SLC7A8: variants seen among roughly 807,000 people sequenced by gnomAD.
SLC7A8 encodes the protein solute carrier family 7 member 8.
In SLC7A8, 30 loss-of-function variants were observed where a neutral mutation model predicts 51.2. That is an observed-to-expected ratio of 0.59 (90% confidence interval 0.44 to 0.80). SLC7A8 has a LOEUF of 0.80. SLC7A8 is among the 30% of genes least tolerant of loss of function. The probability of loss-of-function intolerance (pLI) is 0.00; values close to 1 mark genes in which losing one functional copy is unlikely to be tolerated. For synonymous variants in SLC7A8, 257 were observed against 275.8 expected (o/e 0.93, Z 0.67); for missense variants, 612 against 674.4 (o/e 0.91, Z 1.03).
In SLC7A8 at chr14:23,174,453, G is replaced by C. The variant is rs533128668; in HGVS notation, c.152-7913C>G. 2.6e-5 allele frequency among the ~76,000 whole-genome samples: 4 copies of C among 152,364 alleles called. No individual in the cohort carries two copies. In the East Asian group the frequency reaches 5.8e-4, roughly 22 times the overall value. ...AAGTGATGTCACTGCTAATGCTGAGGATATTTAAAGCAGGGAGCAAACCAA... is the reference window on the plus strand; with the variant it reads ...AAGTGATGTCACTGCTAATGCTGAGCATATTTAAAGCAGGGAGCAAACCAA... On this transcript the variant is annotated intron_variant, in intron 1 of 10. Coordinates refer to ENST00000316902, the MANE Select transcript of SLC7A8 (RefSeq NM_012244.4).
intron 3 of SLC7A8, among the ~76,000 whole-genome samples, chr14:23,148,443 G>C (rs969540719): frequency 6.6e-6 from 1 of 152,118 alleles, no homozygotes; most frequent in African/African-American, 2.4e-5. Flanking sequence ...GGCCAGGCTG[G>C]TCTCGAATTC....
At chr14:23,136,256 C>T (rs911829271) in intron 7 of SLC7A8, among the ~76,000 whole-genome samples, 12 of 152,200 alleles carry the variant, frequency 7.9e-5, no homozygotes, top group Non-Finnish European at 1.2e-4. Flanking sequence ...ATACACATCC[C>T]TGTCCCCTCT....
chr14:23,137,257 G>T (rs75572658), intron 7 of SLC7A8, among the ~76,000 whole-genome samples: 2 of 152,180 alleles, frequency 1.3e-5, no homozygotes, highest in African/African-American at 4.8e-5. Context: ...GTGCTCTGGG[G>T]TGGGGGTCAC....
intron 3 of SLC7A8, among the ~76,000 whole-genome samples, chr14:23,155,631 A>G (rs1467681628): frequency 2.0e-5 from 3 of 151,462 alleles, no homozygotes; most frequent in African/African-American, 7.3e-5. Context: ...CACCCTGGGG[A>G]ACCCTATTTT....
At chr14:23,146,615 C>G (rs551588534) in intron 3 of SLC7A8, 1 of 152,242 alleles carries the variant, frequency 6.6e-6, no homozygotes, top group Non-Finnish European at 1.5e-5. Context: ...TAATATTTAA[C>G]CTTTCACCTT....
intron 7 of SLC7A8, among the ~76,000 whole-genome samples, chr14:23,135,156 C>T (rs919614644): frequency 3.3e-5 from 5 of 151,934 alleles, no homozygotes; most frequent in African/African-American, 4.8e-5. Flanking sequence ...GTCACGATCT[C>T]GGCTCACTGC....
At chr14:23,182,664 TA>T in intron 1 of SLC7A8, 99 bp downstream of exon 1, 1 of 1,341,824 alleles carries the variant, frequency 7.5e-7, no homozygotes, top group Non-Finnish European at 1.0e-6. Context: ...AATCCTTTTC[TA>T]AGGAATAGGA....
At chr14:23,171,317 C>A (rs1054078889) in intron 1 of SLC7A8, among the ~76,000 whole-genome samples, 6 of 152,258 alleles carry the variant, frequency 3.9e-5, no homozygotes, top group Admixed American at 1.3e-4. Context: ...CCAAGCAAAT[C>A]ATTTCATTAA....
At chr14:23,140,254 T>C (rs1341863816) in intron 5 of SLC7A8, among the ~76,000 whole-genome samples, 7 of 152,154 alleles carry the variant, frequency 4.6e-5, no homozygotes, top group Admixed American at 2.6e-4. Context: ...TCTAATCTGC[T>C]CTGGGAAAGT....
At chr14:23,144,341 A>AATTTTTTTTTTTTTTT (rs375223021) in intron 3 of SLC7A8, among the ~76,000 whole-genome samples, 2 of 114,356 alleles carry the variant, frequency 1.7e-5, no homozygotes, top group Non-Finnish European at 3.7e-5. Flanking sequence ...TTTAAACACA[A>AATTTTTTTTTTTTTTT]TTTTTTTTTT....
intron 1 of SLC7A8, among the ~76,000 whole-genome samples, chr14:23,178,980 G>T (rs1877046150): frequency 6.6e-6 from 1 of 151,554 alleles, no homozygotes; most frequent in South Asian, 2.1e-4. Flanking sequence ...AAGGAGATGG[G>T]ACTACAGGTA....
chr14:23,183,631 G>A lies in SLC7A8; in HGVS notation c.-717C>T, dbSNP rs1296146220. 1 of 152,018 alleles carries A rather than the reference G, an allele frequency of 6.6e-6. No individual in the cohort carries two copies. Among genetic ancestry groups the A allele is most frequent in the Non-Finnish European group, 1.5e-5 (1 of 68,076 alleles). The allele number at this position is 152,018 out of a possible 1,614,324, so 9.4% of individuals were successfully genotyped here. A position where few individuals can be genotyped will look rare whatever the true frequency, so the allele number is the denominator to read the frequency against. On this transcript the variant is annotated 5_prime_UTR_variant, in exon 1 of 11. Coordinates refer to ENST00000316902, the MANE Select transcript of SLC7A8 (RefSeq NM_012244.4). ...ACTGCACAGCCGGCCCCATCCCTCT[G>A]GTTTCGGGAGAGTGGCTTCTCCACA...
chr14:23,132,234 C>T (rs561555286), intron 7 of SLC7A8, among the ~76,000 whole-genome samples: 1 of 152,098 alleles, frequency 6.6e-6, no homozygotes, highest in South Asian at 2.1e-4. Context: ...GAACTGCTGA[C>T]CTCGTGATCC....
chr14:23,132,784 C>A (rs567193773), intron 7 of SLC7A8, among the ~76,000 whole-genome samples: 3 of 151,864 alleles, frequency 2.0e-5, no homozygotes, highest in Non-Finnish European at 4.4e-5. Flanking sequence ...TACAGGCATG[C>A]GCCACCACAC....
At chr14:23,163,456 C>T (rs1238413436) in intron 3 of SLC7A8, among the ~76,000 whole-genome samples, 2 of 152,204 alleles carry the variant, frequency 1.3e-5, no homozygotes, top group Non-Finnish European at 2.9e-5. Flanking sequence ...AATGTCTTGG[C>T]CCCATATTGC....
intron 4 of SLC7A8, 74 bp downstream of exon 4, chr14:23,143,005 A>C (rs146443582): frequency 4.9e-5 from 77 of 1,569,738 alleles, no homozygotes; most frequent in Non-Finnish European, 6.4e-5. Flanking sequence ...CATACTTCCA[A>C]AGCTGGGCTG....
At chr14:23,153,153 C>A (rs2048862182) in intron 3 of SLC7A8, among the ~76,000 whole-genome samples, 1 of 151,996 alleles carries the variant, frequency 6.6e-6, no homozygotes, top group Non-Finnish European at 1.5e-5. Context: ...CATTCTGTCG[C>A]CCAGGCTGAA....
chr14:23,140,118 C>T (rs1469211033), intron 5 of SLC7A8, among the ~76,000 whole-genome samples: 1 of 152,216 alleles, frequency 6.6e-6, no homozygotes, highest in East Asian at 1.9e-4. Flanking sequence ...CTCCACAATG[C>T]ACCTTTTCCC....
At chr14:23,140,918 C>T (rs916821907) in intron 4 of SLC7A8, among the ~76,000 whole-genome samples, 5 of 152,206 alleles carry the variant, frequency 3.3e-5, no homozygotes, top group African/African-American at 1.2e-4. Flanking sequence ...GTAAATTGGG[C>T]TTTGGAAATA....
Sources: allele counts gnomAD v4.1 joint callset (sites outside exome capture counted in the v4.1 genomes callset), GRCh38; gene constraint gnomAD v4.1.1; transcripts MANE v1.5; gene names NCBI Gene and HGNC (gene_info 2026-07-23, HGNC 2026-07-21).